AGAP3: variants seen among roughly 807,000 people sequenced by gnomAD.
The protein encoded by AGAP3 is arf-GAP with GTPase, ANK repeat and PH domain-containing protein 3.
In AGAP3, 24 loss-of-function variants were observed where a neutral mutation model predicts 96.9. That is an observed-to-expected ratio of 0.25 (90% CI 0.18 to 0.35). The LOEUF (loss-of-function observed/expected upper bound fraction) is 0.35, where lower values mean the gene tolerates loss of function less well. AGAP3 is among the 10% of genes least tolerant of loss of function. The pLI, the probability that AGAP3 is intolerant of heterozygous loss-of-function variation, is 1.00. For missense variants in AGAP3, 876 were observed against 1,254.2 expected, an observed-to-expected ratio of 0.70 and a Z score of 4.55; for synonymous variants, 563 against 536.1, an observed-to-expected ratio of 1.05 and a Z score of -0.69.
At chr7:151,126,486 A>AGGGGAGTCGGGACGGGGGC (rs1222553734) in intron 9 of AGAP3, among the ~76,000 whole-genome samples, 2 of 42,104 alleles carry the variant, frequency 4.8e-5, no homozygotes, top group Non-Finnish European at 8.9e-5. Context: ...TAGTGGGGTG[A>AGGGGAGTCGGGACGGGGGC]GGGGAGTCGG....
chr7:151,098,924 C>T (rs1350136759), intron 1 of AGAP3, among the ~76,000 whole-genome samples: 42 of 151,372 alleles, frequency 2.8e-4, no homozygotes, highest in African/African-American at 9.9e-4. Context: ...TTAGTGGAGA[C>T]GGGGTTTCAC....
rs1800467869 is a variant in AGAP3, at chr7:151,133,287, G to T, written c.1327-1113G>T. On this transcript the variant is annotated intron_variant, in intron 10 of 17. Transcript: ENST00000397238. The surrounding 1 kb of genome is among the most constrained non-coding windows in gnomAD (Gnocchi z 5.4). ...CAGGGACAGTGACAGGGACAGGGAA[G>T]CAGGAGGCAACAGGCTGGGACAGCC... 6.6e-6 allele frequency among the ~76,000 whole-genome samples: 1 copy of T among 152,224 alleles called. No individual in the cohort carries two copies. The highest frequency in any genetic ancestry group is 1.5e-5 in the Non-Finnish European group (1 of 68,030).
chr7:151,128,712 G>A, intron 10 of AGAP3, 28 bp downstream of exon 10: 1 of 1,582,066 alleles, frequency 6.3e-7, no homozygotes, highest in Non-Finnish European at 8.7e-7. Flanking sequence ...AGCCTCCTGG[G>A]GGAGTATGGG....
At position 151,118,166 on chromosome 7, in the gene AGAP3, C is replaced by T. The variant is rs1251878053; in HGVS notation, c.707-44C>T. Reference sequence around the variant, plus strand: ...AATGCCCCCCACCACACTACCCCAGCTTCTCCGAAAGCTGAATGACTCCCG... The same window carrying T: ...AATGCCCCCCACCACACTACCCCAGTTTCTCCGAAAGCTGAATGACTCCCG... On this transcript the variant is annotated intron_variant, in intron 5 of 17. Transcript: ENST00000397238. The surrounding 1 kb of genome is among the most constrained non-coding windows in gnomAD (Gnocchi z 6.1). The T allele has an allele frequency of 6.4e-7, 1 of 1,573,214 alleles. No individual in the cohort carries two copies. The highest frequency in any genetic ancestry group is 1.3e-5 in the African/African-American group (1 of 74,138).
Position 151,124,998 on chromosome 7 carries a change from G to A in AGAP3, c.1221+1112G>A, listed in dbSNP as rs150104398. On this transcript the variant is annotated intron_variant, in intron 9 of 17. Coordinates refer to ENST00000397238, the MANE Select transcript of AGAP3 (RefSeq NM_031946.7). ...CCCCCTGGAAAGCCAAGAGCACAGT[G>A]ACAGCAGCCAGAGGCTTCCCTGTTC... Among the ~76,000 whole-genome samples the A allele has an allele frequency of 7.7e-3, 1,168 of 152,344 alleles. 15 individuals are homozygous for A. The highest frequency in any genetic ancestry group is 0.027 in the African/African-American group (1,129 of 41,570).
At chr7:151,105,592 CAAA>C (rs1224036230) in intron 1 of AGAP3, among the ~76,000 whole-genome samples, 3 of 70,378 alleles carry the variant, frequency 4.3e-5, no homozygotes, top group East Asian at 3.3e-4. Flanking sequence ...CCCGTCTCTA[CAAA>C]AAAAAAAAAA....
At chr7:151,093,547 C>T (rs936164107) in intron 1 of AGAP3, among the ~76,000 whole-genome samples, 14 of 152,170 alleles carry the variant, frequency 9.2e-5, no homozygotes, top group Admixed American at 3.3e-4. Context: ...GGTGGCTGCC[C>T]GGCCTCCCCT....
At chr7:151,087,346 C>T in intron 1 of AGAP3, 1 of 462,184 alleles carries the variant, frequency 2.2e-6, no homozygotes, top group Non-Finnish European at 4.0e-6. Context: ...CAGATCTGTC[C>T]AGGCCTGGCC....
Position 151,114,527 on chromosome 7 carries a change from C to T in AGAP3, c.332-2266C>T, listed in dbSNP as rs1032623004. On this transcript the variant is annotated intron_variant, in intron 1 of 17. Coordinates refer to ENST00000397238, the MANE Select transcript of AGAP3 (RefSeq NM_031946.7). This position sits in a 1 kb window ranked among gnomAD's most constrained non-coding sequence, Gnocchi z 4.4. ...GGCTGCCCCAGCAGGCCGGCTCCCC[C>T]GCGCCGCGCCGCCGTTCCCGGGCGT... 6.6e-6 allele frequency among the ~76,000 whole-genome samples: 1 copy of T among 152,172 alleles called. No individual in the cohort carries two copies. The highest frequency in any genetic ancestry group is 1.9e-4 in the East Asian group (1 of 5,182).
At chr7:151,122,728 T>C in intron 8 of AGAP3, 2 of 1,613,896 alleles carry the variant, frequency 1.2e-6, no homozygotes, top group Non-Finnish European at 1.7e-6. Flanking sequence ...TTTGCAGATA[T>C]GTGCCACTGT....
intron 9 of AGAP3, among the ~76,000 whole-genome samples, chr7:151,125,100 C>T (rs1800101279): frequency 1.3e-5 from 2 of 152,202 alleles, no homozygotes; most frequent in South Asian, 4.1e-4. Context: ...TTGATCCCCT[C>T]TCTCCGGGCA....
intron 1 of AGAP3, among the ~76,000 whole-genome samples, chr7:151,091,030 G>A (rs1252593542): frequency 1.3e-5 from 2 of 152,264 alleles, no homozygotes; most frequent in African/African-American, 4.8e-5. Context: ...TGGGGTTTTA[G>A]TGTTTGTGTC....
chr7:151,104,662 C>A (rs1178244794), intron 1 of AGAP3, among the ~76,000 whole-genome samples: 3 of 152,018 alleles, frequency 2.0e-5, no homozygotes, highest in Non-Finnish European at 4.4e-5. Context: ...CACCGACATC[C>A]CCACCCACGG....
At chr7:151,135,826 A>G (rs10952303) in intron 11 of AGAP3, among the ~76,000 whole-genome samples, 116,171 of 152,224 alleles carry the variant, frequency 0.76, 45,621 homozygotes, top group East Asian at 0.96. Flanking sequence ...GAGGCTTGGC[A>G]TAGCTAACAA....
chr7:151,138,139 C>A lies in AGAP3; in HGVS notation c.1496-4C>A. The stretch of plus-strand genomic sequence containing the variant: ...CTTCCCAGTCTGACCCTTCCCGCCC[C>A]CAGGTGCCCCCCACTCGGCCAGCAG... On this transcript the variant is annotated splice_region_variant and splice_polypyrimidine_tract_variant and intron_variant, in intron 11 of 17. Transcript: ENST00000397238. 6.3e-7 allele frequency: 1 copy of A among 1,589,414 alleles called. No individual in the cohort carries two copies. Among genetic ancestry groups the A allele is most frequent in the East Asian group, 2.3e-5 (1 of 43,574 alleles).
rs767240248 is a variant in AGAP3, at chr7:151,143,923, C to G, written c.2716C>G (p.Arg906Gly). The change falls in exon 18 of 18, where the codon CGT becomes GGT. Residue 906 changes from arginine (R) to glycine (G), a missense_variant. Arg to Gly is a moderately radical substitution (Grantham distance 125, BLOSUM62 -2). This residue lies in a region of AGAP3 where 213 missense variants were observed against 253.8 expected (regional missense o/e 0.84). Transcript: ENST00000397238. The surrounding 1 kb of genome is among the most constrained non-coding windows in gnomAD (Gnocchi z 5.9). ...CACCAACCCCTCTGCTGAGCTGCAC[C>G]GTAGTCCTAGCCTCCTATAAGGCCC... ...NGTNPSAELH[R>G]SPSLL 3 of 1,614,006 alleles carry G rather than the reference C, an allele frequency of 1.9e-6. No individual in the cohort carries two copies. The highest frequency in any genetic ancestry group is 2.2e-5 in the South Asian group (2 of 91,084).
intron 1 of AGAP3, among the ~76,000 whole-genome samples, chr7:151,102,580 A>G (rs1798874927): frequency 2.1e-5 from 3 of 144,042 alleles, no homozygotes; most frequent in South Asian, 4.3e-4. Flanking sequence ...TAGGCAACAT[A>G]GTGATACCTC....
intron 1 of AGAP3, among the ~76,000 whole-genome samples, chr7:151,109,184 AAAAC>A (rs1303618952): frequency 4.8e-5 from 7 of 145,166 alleles, no homozygotes; most frequent in African/African-American, 2.0e-4. Flanking sequence ...AAAAAAACAA[AAAAC>A]AAAAAACAAA....
Position 151,087,594 on chromosome 7 carries a change from G to T in AGAP3, c.331+522G>T, listed in dbSNP as rs371980440. Among the ~76,000 whole-genome samples, 54 of 152,266 alleles carry T rather than the reference G, an allele frequency of 3.5e-4. No homozygotes were observed. In the South Asian group the frequency reaches 6.2e-3, roughly 18 times the overall value. ...GCGGCGGCCAAGCGGGAGCGGGCCGGGCCTGGCGCTGGGCTGAGGCTCAGC... is the reference window on the plus strand; with the variant it reads ...GCGGCGGCCAAGCGGGAGCGGGCCGTGCCTGGCGCTGGGCTGAGGCTCAGC... On this transcript the variant is annotated intron_variant, in intron 1 of 17. Coordinates refer to ENST00000397238, the MANE Select transcript of AGAP3 (RefSeq NM_031946.7).
Sources: allele counts gnomAD v4.1 joint callset (sites outside exome capture counted in the v4.1 genomes callset), GRCh38; gene constraint gnomAD v4.1.1; regional missense constraint gnomAD v4.1.1; non-coding constraint Gnocchi (gnomAD v3.1); transcripts MANE v1.5; gene names NCBI Gene and HGNC (gene_info 2026-07-23, HGNC 2026-07-21).